Variants in PROS1 observed in about 807,000 individuals in gnomAD.
PROS1 encodes the protein protein S, also known as vitamin K-dependent protein S.
PROS1 carries 29 observed loss-of-function variants against 75.9 expected under a neutral mutation model. The ratio of observed to expected loss-of-function variants is 0.38; its 90% CI spans 0.28 to 0.52. The LOEUF is 0.52. Among genes scored for constraint, PROS1 ranks in the 20% least tolerant of loss-of-function variants. The pLI, the probability that PROS1 is intolerant of heterozygous loss-of-function variation, is 0.83. For synonymous variants in PROS1, 245 were observed against 280.6 expected, an observed-to-expected ratio of 0.87 and a Z score of 1.27; for missense variants, 680 against 810.3, an observed-to-expected ratio of 0.84 and a Z score of 1.95.
At chr3:93,921,861 C>T (rs1251920671) in intron 3 of PROS1, among the ~76,000 whole-genome samples, 2 of 152,118 alleles carry the variant, frequency 1.3e-5, no homozygotes, top group African/African-American at 2.4e-5. Flanking sequence ...TGTTAATGCT[C>T]ACTTTTGTTT....
intron 1 of PROS1, among the ~76,000 whole-genome samples, chr3:93,950,569 T>C (rs1471562458): frequency 2.0e-5 from 3 of 152,110 alleles, no homozygotes; most frequent in Non-Finnish European, 4.4e-5. Flanking sequence ...CCCAGGAAAA[T>C]AGGGCCTGGA....
intron 1 of PROS1, among the ~76,000 whole-genome samples, chr3:93,951,476 T>C (rs1218478874): frequency 2.6e-5 from 4 of 152,170 alleles, no homozygotes; most frequent in Admixed American, 6.5e-5. Context: ...CAACCCAAAA[T>C]TTTATATCCA....
chr3:93,945,817 G>A (rs962972315), intron 1 of PROS1, among the ~76,000 whole-genome samples: 3 of 152,088 alleles, frequency 2.0e-5, no homozygotes, highest in African/African-American at 7.2e-5. Flanking sequence ...TGGGCAATTG[G>A]GCAGGAGAAG....
chr3:93,965,272 G>A (rs561895984), intron 1 of PROS1, among the ~76,000 whole-genome samples: 16 of 152,240 alleles, frequency 1.1e-4, no homozygotes, highest in Admixed American at 2.6e-4. Flanking sequence ...TTTGCTCGCC[G>A]TCCACAACTG....
rs1708129420 is a variant in PROS1 at position 93,873,058 on chromosome 3, T to C, written c.*1187A>G. 1 of 152,242 alleles carries C rather than the reference T, an allele frequency of 6.6e-6. No individual in the cohort carries two copies. Among genetic ancestry groups the C allele is most frequent in the Admixed American group, 6.5e-5 (1 of 15,278 alleles). 9.4% of individuals were successfully genotyped at this position (152,242 alleles called of 1,614,324 possible). A position where few individuals can be genotyped will look rare whatever the true frequency, so the allele number is the denominator to read the frequency against. ...TGTATGAAGAGTTAAATGTCTATTA[T>C]GTAATTTTGTTTTATTCAAACAGTT... On this transcript the variant is annotated 3_prime_UTR_variant, in exon 15 of 15. Coordinates refer to ENST00000394236, the MANE Select transcript of PROS1 (RefSeq NM_000313.4).
At chr3:93,952,652 CA>C (rs1333856359) in intron 1 of PROS1, among the ~76,000 whole-genome samples, 3 of 152,180 alleles carry the variant, frequency 2.0e-5, no homozygotes, top group Non-Finnish European at 4.4e-5. Context: ...GACACCCTAA[CA>C]GCACAACTAA....
At chr3:93,882,276 C>A (rs1708284270) in intron 12 of PROS1, among the ~76,000 whole-genome samples, 1 of 152,112 alleles carries the variant, frequency 6.6e-6, no homozygotes, top group Non-Finnish European at 1.5e-5. Flanking sequence ...CTAAAATTTT[C>A]TTCCATAGAA....
Position 93,874,259 on chromosome 3 carries a change from T to C in PROS1, c.2017A>G (p.Thr673Ala). 1 of 1,613,436 alleles carries C rather than the reference T, an allele frequency of 6.2e-7. No homozygotes were observed. The highest frequency in any genetic ancestry group is 8.5e-7 in the Non-Finnish European group (1 of 1,179,494). ...GAAAAGATGCCTTAAGAATTCTTTG[T>C]CTTTTTCCAAACTGATGGACATGAG... Reference protein sequence around the residue: ...AHSCPSVWKKTKNS With the variant: ...AHSCPSVWKKAKNS The change falls in exon 15 of 15, where the codon ACA (threonine) becomes GCA (alanine). Residue 673 changes from threonine to alanine, a missense_variant. By Grantham distance (58) the Thr-to-Ala change is moderately conservative. Transcript: ENST00000394236.
chr3:93,904,276 ACG>A (rs1233962025), intron 6 of PROS1, among the ~76,000 whole-genome samples: 3 of 152,136 alleles, frequency 2.0e-5, no homozygotes, highest in Non-Finnish European at 4.4e-5. Context: ...CAATAAACAT[ACG>A]TGTGCATGTG....
chr3:93,967,711 T>C (rs1272342319), intron 1 of PROS1, among the ~76,000 whole-genome samples: 1 of 152,020 alleles, frequency 6.6e-6, no homozygotes, highest in African/African-American at 2.4e-5. Flanking sequence ...CATAGCAAGA[T>C]CTCATCTCTA....
At chr3:93,950,448 A>G (rs1318890535) in intron 1 of PROS1, among the ~76,000 whole-genome samples, 2 of 152,186 alleles carry the variant, frequency 1.3e-5, no homozygotes, top group Admixed American at 6.5e-5. Flanking sequence ...TGGCCGACTG[A>G]CACCTCATAC....
chr3:93,893,709 C>A (rs1476515710), intron 9 of PROS1, among the ~76,000 whole-genome samples: 1 of 152,122 alleles, frequency 6.6e-6, no homozygotes, highest in South Asian at 2.1e-4. Context: ...CATCATTAAG[C>A]CTTCATGTGT....
chr3:93,940,459 C>A (rs1378489532), intron 1 of PROS1, among the ~76,000 whole-genome samples: 2 of 152,146 alleles, frequency 1.3e-5, no homozygotes, highest in African/African-American at 4.8e-5. Flanking sequence ...GTTGTGGGTA[C>A]TGACGTCTGG....
chr3:93,948,843 T>G (rs573384016), intron 1 of PROS1, among the ~76,000 whole-genome samples: 7 of 152,364 alleles, frequency 4.6e-5, no homozygotes, highest in Non-Finnish European at 4.4e-5. Flanking sequence ...CAATTACTTC[T>G]ATTTCCTTTG....
At chr3:93,896,173 A>G (rs913151021) in intron 9 of PROS1, among the ~76,000 whole-genome samples, 1 of 152,186 alleles carries the variant, frequency 6.6e-6, no homozygotes, top group African/African-American at 2.4e-5. Context: ...TTTTTTCCTT[A>G]ATAATTTTGA....
intron 1 of PROS1, among the ~76,000 whole-genome samples, chr3:93,943,795 C>T (rs1709333897): frequency 6.6e-6 from 1 of 152,148 alleles, no homozygotes; most frequent in Non-Finnish European, 1.5e-5. Flanking sequence ...ATGGCCTGTT[C>T]CTGCCTTAAC....
intron 11 of PROS1, among the ~76,000 whole-genome samples, 167 bp downstream of exon 11, chr3:93,886,169 A>G (rs1708343604): frequency 2.0e-5 from 3 of 152,196 alleles, no homozygotes; most frequent in African/African-American, 7.2e-5. Context: ...TTTCATTAAT[A>G]TAATTTCAAG....
At chr3:93,947,420 TA>T (rs1709421896) in intron 1 of PROS1, among the ~76,000 whole-genome samples, 1 of 151,926 alleles carries the variant, frequency 6.6e-6, no homozygotes, top group Non-Finnish European at 1.5e-5. Context: ...AAATAAAACC[TA>T]AAAACTGCTC....
chr3:93,890,472 C>T (rs1026832133), intron 10 of PROS1, among the ~76,000 whole-genome samples: 3 of 152,158 alleles, frequency 2.0e-5, no homozygotes, highest in African/African-American at 4.8e-5. Context: ...TACACCCTCT[C>T]CCCTTTTGAA....
Sources: gnomAD v4.1 joint callset for allele counts (sites outside exome capture counted in the v4.1 genomes callset) on GRCh38, gnomAD v4.1.1 for gene constraint, MANE v1.5 for transcripts, NCBI Gene and HGNC (gene_info 2026-07-23, HGNC 2026-07-21) for gene names.